The following FAM81A variants were observed in gnomAD, a reference collection of about 807,000 sequenced individuals.
The protein encoded by FAM81A is family with sequence similarity 81 member A.
FAM81A carries 19 observed loss-of-function variants against 46.7 expected under a neutral mutation model. The ratio of observed to expected loss-of-function variants is 0.41; its 90% confidence interval spans 0.28 to 0.60. The LOEUF is 0.60. FAM81A is among the 20% of genes least tolerant of loss of function. FAM81A has a pLI of 0.34. For synonymous variants in FAM81A, 183 were observed against 152.9 expected (o/e 1.20, Z -1.45); for missense variants, 377 against 453.5 (o/e 0.83, Z 1.53).
intron 3 of FAM81A, among the ~76,000 whole-genome samples, chr15:59,473,204 A>T (rs1208299503): frequency 6.6e-6 from 1 of 152,332 alleles, no homozygotes; most frequent in African/African-American, 2.4e-5. Flanking sequence ...AATTTCAGTT[A>T]TCTGTGGCCA....
At chr15:59,467,484 T>G (rs1398069461) in intron 3 of FAM81A, among the ~76,000 whole-genome samples, 2 of 152,128 alleles carry the variant, frequency 1.3e-5, no homozygotes, top group African/African-American at 4.8e-5. Context: ...TGAATGGGAG[T>G]TCACTCATGA....
chr15:59,446,286 A>G (rs1407533847), intron 1 of FAM81A: 1 of 152,218 alleles, frequency 6.6e-6, no homozygotes, highest in East Asian at 1.9e-4. Context: ...ACAAAAACCA[A>G]TCTGTTTTTG....
At chr15:59,476,196 C>A (rs1346356916) in intron 3 of FAM81A, among the ~76,000 whole-genome samples, 2 of 152,060 alleles carry the variant, frequency 1.3e-5, no homozygotes, top group Non-Finnish European at 2.9e-5. Context: ...CTAATACCAT[C>A]ACATCAAGGG....
At chr15:59,416,950 G>A (rs1026360789) in intron 2 of FAM81A, among the ~76,000 whole-genome samples, 2 of 152,036 alleles carry the variant, frequency 1.3e-5, no homozygotes. Context: ...AGTTCTTTCT[G>A]CGAGTAAGCA....
intron 3 of FAM81A, among the ~76,000 whole-genome samples, chr15:59,470,466 C>G (rs1442548158): frequency 2.0e-5 from 3 of 152,170 alleles, no homozygotes; most frequent in Admixed American, 2.0e-4. Context: ...TCTTCAATCA[C>G]TGATACCCTT....
intron 2 of FAM81A, among the ~76,000 whole-genome samples, chr15:59,405,696 C>A (rs2081091106): frequency 6.6e-6 from 1 of 152,126 alleles, no homozygotes; most frequent in African/African-American, 2.4e-5. Context: ...CATCCCATGT[C>A]CCTAAAAACT....
rs79492501 is a variant in FAM81A, at chr15:59,483,903, A to G, written c.295-8368A>G. 6.6e-5 allele frequency among the ~76,000 whole-genome samples: 10 copies of G among 152,280 alleles called. No individual in the cohort carries two copies. The East Asian group carries it at 1.9e-3, about 29-fold the overall frequency. On this transcript the variant is annotated intron_variant, in intron 3 of 8. Transcript: ENST00000288228. ...TCTCCTGCCCCATGGAGGGGTGGACAGGTTGTAGGGGCGGGCTCGTTCCCC... is the reference window on the plus strand; with the variant it reads ...TCTCCTGCCCCATGGAGGGGTGGACGGGTTGTAGGGGCGGGCTCGTTCCCC...
intron 2 of FAM81A, among the ~76,000 whole-genome samples, chr15:59,430,320 A>G (rs1172597329): frequency 1.6e-5 from 2 of 128,806 alleles, no homozygotes. Context: ...GCTGGAGTGC[A>G]GTGGTACAAT....
rs118087902 is a variant in FAM81A at position 59,518,309 on chromosome 15, C to A, written c.982+1469C>A. Among the ~76,000 whole-genome samples, 1,004 of 151,820 alleles carry A rather than the reference C, an allele frequency of 6.6e-3. 6 individuals carry two copies. The highest frequency in any genetic ancestry group is 0.011 in the Non-Finnish European group (738 of 67,944). On this transcript the variant is annotated intron_variant, in intron 8 of 8. Transcript: ENST00000288228. ...TGCCTTTTTACCCCTTTATTATTTC[C>A]ATTTTTTTGGAAATTAAAAAAAATG...
At chr15:59,433,140 CAAAAAAAAAAAAAAA>C (rs552850890) in intron 2 of FAM81A, among the ~76,000 whole-genome samples, 4 of 42,450 alleles carry the variant, frequency 9.4e-5, no homozygotes, top group Admixed American at 3.3e-4. Flanking sequence ...GACTCCGTCT[CAAAAAAAAAAAAAAA>C]AAAAAAAAAA....
chr15:59,424,934 C>T (rs1002110006), intron 2 of FAM81A, among the ~76,000 whole-genome samples: 2 of 152,232 alleles, frequency 1.3e-5, no homozygotes, highest in African/African-American at 4.8e-5. Context: ...TACTCCTCTG[C>T]TTAAACCATT....
intron 3 of FAM81A, among the ~76,000 whole-genome samples, chr15:59,489,557 T>C (rs996046158): frequency 6.6e-6 from 1 of 151,028 alleles, no homozygotes; most frequent in Non-Finnish European, 1.5e-5. Context: ...AAAAAAAAAA[T>C]CCTAAAGTTC....
chr15:59,431,800 AT>A (rs1409335371), intron 2 of FAM81A, among the ~76,000 whole-genome samples: 51 of 152,204 alleles, frequency 3.4e-4, no homozygotes, highest in Non-Finnish European at 6.5e-4. Context: ...CAATTTTATT[AT>A]TTATGTTTCC....
chr15:59,424,390 G>A (rs2081186786), intron 2 of FAM81A, among the ~76,000 whole-genome samples: 1 of 152,074 alleles, frequency 6.6e-6, no homozygotes, highest in Admixed American at 6.6e-5. Context: ...TTCCCCATGT[G>A]CACATCTTCC....
At chr15:59,436,849 T>A (rs1449593721), upstream of FAM81A, among the ~76,000 whole-genome samples, 1 of 152,234 alleles carries the variant, frequency 6.6e-6, no homozygotes, top group Non-Finnish European at 1.5e-5. Flanking sequence ...ATTACTCTCC[T>A]GGTCACAACG....
chr15:59,404,236 A>G (rs2081084758), intron 2 of FAM81A, among the ~76,000 whole-genome samples: 1 of 152,020 alleles, frequency 6.6e-6, no homozygotes, highest in Non-Finnish European at 1.5e-5. Context: ...TCTCAGGGCA[A>G]AAAAGGAGAG....
chr15:59,512,680 G>T (rs1447564390), intron 6 of FAM81A, among the ~76,000 whole-genome samples: 1 of 152,076 alleles, frequency 6.6e-6, no homozygotes, highest in Non-Finnish European at 1.5e-5. Flanking sequence ...TGTGTACTTA[G>T]GGTACAGGCT....
intron 1 of FAM81A, among the ~76,000 whole-genome samples, chr15:59,456,464 C>T (rs4775168): frequency 0.78 from 119,125 of 152,104 alleles, 46,918 homozygotes; most frequent in African/African-American, 0.86. Context: ...GGAAAGCCTA[C>T]TCATTCTCAT....
intron 2 of FAM81A, among the ~76,000 whole-genome samples, 162 bp from the exon 3 acceptor site, chr15:59,459,771 C>T (rs543422180): frequency 9.1e-4 from 139 of 152,176 alleles, no homozygotes; most frequent in Non-Finnish European, 1.3e-3. Flanking sequence ...AGATCTTTCC[C>T]GGCTTGTGAA....
Sources: gnomAD v4.1 joint callset for allele counts (sites outside exome capture counted in the v4.1 genomes callset) on GRCh38, gnomAD v4.1.1 for gene constraint, MANE v1.5 for transcripts, NCBI Gene and HGNC (gene_info 2026-07-23, HGNC 2026-07-21) for gene names.